MYO16: variants seen among roughly 807,000 people sequenced by gnomAD.
The protein encoded by MYO16 is unconventional myosin-XVI.
MYO16 carries 94 observed loss-of-function variants against 205.3 expected under a neutral mutation model. The observed-to-expected ratio is 0.46, with a 90% CI of 0.39 to 0.54. The LOEUF is 0.54. Ranked by LOEUF, MYO16 falls within the 20% of genes least tolerant of loss-of-function variation. The pLI is 0.00. For synonymous variants in MYO16, 988 were observed against 954.0 expected, an observed-to-expected ratio of 1.04 and a Z score of -0.66; for missense variants, 2,315 against 2,387.5, an observed-to-expected ratio of 0.97 and a Z score of 0.63.
At position 109,060,255 on chromosome 13, in the gene MYO16, A is replaced by C. The variant is rs149829364; in HGVS notation, c.3335+4660A>C. 3.9e-5 allele frequency among the ~76,000 whole-genome samples: 6 copies of C among 152,316 alleles called. No homozygotes were observed. The East Asian group carries it at 9.6e-4, about 24-fold the overall frequency. On this transcript the variant is annotated intron_variant, in intron 27 of 34. Transcript: ENST00000457511. ...CAACCCAAATGCCCATCAATGATAGACTGGATAAAGAAATTGTGACACATA... is the reference window on the plus strand; with the variant it reads ...CAACCCAAATGCCCATCAATGATAGCCTGGATAAAGAAATTGTGACACATA...
intron 2 of MYO16, among the ~76,000 whole-genome samples, chr13:108,696,816 A>G (rs907986561): frequency 6.6e-6 from 1 of 151,956 alleles, no homozygotes; most frequent in African/African-American, 2.4e-5. Context: ...AGAAGACCCT[A>G]CCTGTGTGGG....
At chr13:108,964,044 C>T (rs757327798) in intron 19 of MYO16, among the ~76,000 whole-genome samples, 36 of 152,206 alleles carry the variant, frequency 2.4e-4, no homozygotes, top group Non-Finnish European at 3.7e-4. Flanking sequence ...CCGCATTGCA[C>T]GTGGACCCCG....
At chr13:108,647,564 C>T (rs1212240498) in intron 1 of MYO16, among the ~76,000 whole-genome samples, 1 of 152,126 alleles carries the variant, frequency 6.6e-6, no homozygotes, top group African/African-American at 2.4e-5. Context: ...ATAACTTCTG[C>T]CTTTTTTCCA....
intron 4 of MYO16, among the ~76,000 whole-genome samples, chr13:108,767,095 G>GT (rs1555345316): frequency 6.7e-6 from 1 of 149,762 alleles, no homozygotes; most frequent in African/African-American, 2.5e-5. Context: ...TTGTTTGTTT[G>GT]TTTGTTTTGT....
the MYO16 span, among the ~76,000 whole-genome samples, chr13:108,501,024 G>A: frequency 6.6e-6 from 1 of 152,066 alleles, no homozygotes; most frequent in African/African-American, 2.4e-5. Flanking sequence ...CCTGTACACT[G>A]GGCATGAGCT....
chr13:108,879,568 G>T (rs936949775), intron 12 of MYO16, among the ~76,000 whole-genome samples: 1 of 152,030 alleles, frequency 6.6e-6, no homozygotes, highest in African/African-American at 2.4e-5. Flanking sequence ...GTGTCCAAGC[G>T]TTCTCACTGT....
the MYO16 span, among the ~76,000 whole-genome samples, chr13:108,571,590 C>T: frequency 6.6e-6 from 1 of 152,072 alleles, no homozygotes; most frequent in Non-Finnish European, 1.5e-5. Flanking sequence ...CCTGGAGCCA[C>T]TCTCTTTGAG....
At position 108,654,464 on chromosome 13, in the gene MYO16, G is replaced by C. The variant is rs147635235; in HGVS notation, c.29-11422G>C. On this transcript the variant is annotated intron_variant, in intron 1 of 34. Coordinates refer to ENST00000457511, the MANE Select transcript of MYO16 (RefSeq NM_001198950.3). ...ATTCTGAGGCGTCCCCAGCCATGTGGAATTGTATGTCCAATTAAACCTCTT... is the reference window on the plus strand; with the variant it reads ...ATTCTGAGGCGTCCCCAGCCATGTGCAATTGTATGTCCAATTAAACCTCTT... 1.8e-3 allele frequency among the ~76,000 whole-genome samples: 278 copies of C among 152,298 alleles called. 3 individuals carry two copies. Among genetic ancestry groups the C allele is most frequent in the African/African-American group, 6.5e-3 (271 of 41,576 alleles).
intron 16 of MYO16, among the ~76,000 whole-genome samples, chr13:108,947,750 G>A (rs1882993000): frequency 6.6e-6 from 1 of 152,208 alleles, no homozygotes. Context: ...CATTCACTAT[G>A]TGTAAGGTGT....
chr13:109,182,438 C>T (rs575383498), intron 34 of MYO16, among the ~76,000 whole-genome samples: 66 of 152,188 alleles, frequency 4.3e-4, no homozygotes, highest in African/African-American at 9.2e-4. Context: ...GAATATTAGT[C>T]GGAGAAGAAC....
chr13:108,792,040 A>G (rs1396340490), intron 5 of MYO16, among the ~76,000 whole-genome samples: 2 of 152,238 alleles, frequency 1.3e-5, no homozygotes, highest in Non-Finnish European at 2.9e-5. Flanking sequence ...CCCTTGGAAG[A>G]AGATGAATTA....
intron 21 of MYO16, among the ~76,000 whole-genome samples, chr13:109,007,145 T>C (rs1885414016): frequency 6.6e-6 from 1 of 152,038 alleles, no homozygotes; most frequent in African/African-American, 2.4e-5. Flanking sequence ...TCCCAGCACT[T>C]TGGGAGGCCA....
intron 27 of MYO16, among the ~76,000 whole-genome samples, chr13:109,094,404 T>A (rs552200037): frequency 2.6e-5 from 4 of 152,214 alleles, no homozygotes; most frequent in Admixed American, 6.5e-5. Flanking sequence ...AGAGATGGGG[T>A]CTTGCTGTGT....
intron 20 of MYO16, among the ~76,000 whole-genome samples, chr13:108,987,440 ATT>A (rs1334969336): frequency 6.6e-6 from 1 of 152,220 alleles, no homozygotes; most frequent in African/African-American, 2.4e-5. Flanking sequence ...ATAAGGTAAG[ATT>A]TAAGCAGGGT....
At position 108,985,599 on chromosome 13, in the gene MYO16, A is replaced by G. The variant is rs1271995338; in HGVS notation, c.2370-6777A>G. On this transcript the variant is annotated intron_variant, in intron 20 of 34. Transcript: ENST00000457511. ...GTGTATTTAACTTCATGAAGAATGT[A>G]TTTTCAGTTCTTCCTGAAGTTCTGG... Among the ~76,000 whole-genome samples, 3 of 152,176 alleles carry G rather than the reference A, an allele frequency of 2.0e-5. No individual in the cohort carries two copies. The East Asian group carries it at 5.8e-4, about 29-fold the overall frequency.
At position 108,793,520 on chromosome 13, in the gene MYO16, G is replaced by A. The variant is rs1886686964; in HGVS notation, c.621G>A (p.Val207=). The change falls in exon 6 of 35, where the codon GTG becomes GTA. Residue 207 remains valine, a synonymous_variant. Transcript: ENST00000457511. Reference sequence around the variant, plus strand: ...AAAGGCTCTTTCTCCCCACAGGAGTGGATTTGACCTCACTGCGCCAGATGA... The same window carrying A: ...AAAGGCTCTTTCTCCCCACAGGAGTAGATTTGACCTCACTGCGCCAGATGA... ...ILLTYLDENG[V]DLTSLRQMKL... 3 of 1,613,570 alleles carry A rather than the reference G, an allele frequency of 1.9e-6. No individual in the cohort carries two copies. The Admixed American group carries it at 5.0e-5, about 27-fold the overall frequency.
the MYO16 span, among the ~76,000 whole-genome samples, chr13:108,571,302 A>C: frequency 7.1e-6 from 1 of 140,170 alleles, no homozygotes; most frequent in Non-Finnish European, 1.6e-5. Flanking sequence ...CCCTGGGATG[A>C]AAAAAAAAAA....
chr13:108,889,899 C>A (rs183195684), intron 14 of MYO16, among the ~76,000 whole-genome samples: 228 of 152,020 alleles, frequency 1.5e-3, no homozygotes, highest in Non-Finnish European at 1.6e-3. Context: ...AAATTGAAGT[C>A]TTTCTTTTTT....
At chr13:109,081,862 G>A (rs1026884888) in intron 27 of MYO16, among the ~76,000 whole-genome samples, 3 of 152,110 alleles carry the variant, frequency 2.0e-5, no homozygotes, top group Non-Finnish European at 4.4e-5. Context: ...TGCTAATAAC[G>A]TGATTGTATT....
Sources: gnomAD v4.1 joint callset for allele counts (sites outside exome capture counted in the v4.1 genomes callset) on GRCh38, gnomAD v4.1.1 for gene constraint, MANE v1.5 for transcripts, NCBI Gene and HGNC (gene_info 2026-07-23, HGNC 2026-07-21) for gene names.